Variants in ANKRD36C observed in about 807,000 individuals in gnomAD.
The protein encoded by ANKRD36C is ankyrin repeat domain-containing protein 36C.
Under a neutral mutation model 276.4 loss-of-function variants are expected in ANKRD36C, and 61 were observed. The ratio of observed to expected loss-of-function variants is 0.22; its 90% CI spans 0.18 to 0.27. ANKRD36C has a LOEUF of 0.27. ANKRD36C is among the 10% of genes least tolerant of loss of function. The probability of loss-of-function intolerance (pLI) is 1.00; values close to 1 mark genes in which losing one functional copy is unlikely to be tolerated. For synonymous variants in ANKRD36C, 483 were observed against 680.1 expected (o/e 0.71, Z 4.51); for missense variants, 1,447 against 2,032.3 (o/e 0.71, Z 5.54).
At chr2:95,975,053 G>T (rs1351390093) in intron 6 of ANKRD36C, among the ~76,000 whole-genome samples, 2 of 151,850 alleles carry the variant, frequency 1.3e-5, no homozygotes, top group South Asian at 2.1e-4. Flanking sequence ...CAGTCTATCA[G>T]TGTTGGACAT....
intron 42 of ANKRD36C, among the ~76,000 whole-genome samples, chr2:95,911,011 A>G (rs1446701283): frequency 6.6e-6 from 1 of 151,474 alleles, no homozygotes; most frequent in Admixed American, 6.6e-5. Flanking sequence ...AACTTGCCCA[A>G]TAACTGAGAA....
chr2:95,945,692 G>T (rs1323234433), intron 17 of ANKRD36C, among the ~76,000 whole-genome samples: 3 of 152,076 alleles, frequency 2.0e-5, no homozygotes, highest in Non-Finnish European at 2.9e-5. Context: ...TATAACCTCC[G>T]CTCCTTCCAA....
At chr2:95,874,645 A>T (rs1675900250) in intron 59 of ANKRD36C, among the ~76,000 whole-genome samples, 1 of 152,366 alleles carries the variant, frequency 6.6e-6, no homozygotes, top group Admixed American at 6.5e-5. Context: ...TAAAACACCA[A>T]CAGCAATGGC....
chr2:95,902,712 C>G (rs191869882), intron 42 of ANKRD36C, among the ~76,000 whole-genome samples, 174 bp downstream of exon 54: 1 of 150,384 alleles, frequency 6.6e-6, no homozygotes, highest in Non-Finnish European at 1.5e-5. Context: ...CTGCGAAGAT[C>G]ATGTTCCAGA....
At chr2:95,916,554 A>C (rs746835311) in intron 36 of ANKRD36C, among the ~76,000 whole-genome samples, 1 of 151,638 alleles carries the variant, frequency 6.6e-6, no homozygotes, top group Non-Finnish European at 1.5e-5. Context: ...TTCATGCAAG[A>C]AACCAAAGGA....
intron 61 of ANKRD36C, among the ~76,000 whole-genome samples, chr2:95,858,604 A>G (rs1057303981): frequency 6.6e-6 from 1 of 152,210 alleles, no homozygotes; most frequent in Non-Finnish European, 1.5e-5. Context: ...TACTTTTTAT[A>G]AACAAGTTGA....
At chr2:95,897,519 C>T in intron 44 of ANKRD36C, 54 bp from the exon 59 acceptor site, 4 of 1,514,350 alleles carry the variant, frequency 2.6e-6, no homozygotes, top group Non-Finnish European at 3.6e-6. Context: ...ACAAAATTAT[C>T]CACATATTCA....
chr2:95,870,261 C>T (rs922943396), intron 59 of ANKRD36C, among the ~76,000 whole-genome samples: 2 of 152,166 alleles, frequency 1.3e-5, no homozygotes, highest in African/African-American at 4.8e-5. Flanking sequence ...TGGGAGGCAC[C>T]CCCAGGTAGG....
intron 40 of ANKRD36C, 147 bp downstream of exon 42, chr2:95,913,961 C>T (rs1334728865): frequency 1.1e-6 from 1 of 877,948 alleles, no homozygotes; most frequent in East Asian, 2.7e-5. Context: ...GCATCAGCAT[C>T]ACCCAAGAAC....
In ANKRD36C at chr2:95,853,862, CTGA is replaced by C. The variant is rs1675349506; in HGVS notation, c.4996-4_4996-2del. On this transcript the variant is annotated splice_acceptor_variant and splice_polypyrimidine_tract_variant and intron_variant, in intron 63 of 66. Coordinates refer to ENST00000456556, the Ensembl canonical transcript of ANKRD36C. LOFTEE classifies it high-confidence loss of function. Reference sequence around the variant, plus strand: ...TTTGTTGAAGCTGTCTCACAGCTACCTGATAAGATGTTATTTTTGTTACTGATT... The same window carrying C: ...TTTGTTGAAGCTGTCTCACAGCTACCTAAGATGTTATTTTTGTTACTGATT... 6.2e-7 allele frequency: 1 copy of C among 1,606,316 alleles called. No homozygotes were observed. The highest frequency in any genetic ancestry group is 1.3e-5 in the African/African-American group (1 of 74,768).
intron 28 of ANKRD36C, among the ~76,000 whole-genome samples, chr2:95,926,125 C>G (rs1014854847): frequency 6.6e-6 from 1 of 151,572 alleles, no homozygotes; most frequent in African/African-American, 2.4e-5. Context: ...CTTTATTTCT[C>G]AAACCCATGT....
At chr2:95,988,060 AT>A (rs1679067800) in intron 1 of ANKRD36C, among the ~76,000 whole-genome samples, 6 of 151,624 alleles carry the variant, frequency 4.0e-5, no homozygotes, top group Admixed American at 3.9e-4. Context: ...CCAATCCGTG[AT>A]GCCTTACATT....
chr2:95,977,852 T>TA (rs1451386120), intron 6 of ANKRD36C, among the ~76,000 whole-genome samples: 1 of 152,078 alleles, frequency 6.6e-6, no homozygotes, highest in Non-Finnish European at 1.5e-5. Flanking sequence ...CATAATAACT[T>TA]AAAAATTTGT....
intron 36 of ANKRD36C, among the ~76,000 whole-genome samples, chr2:95,917,050 G>T (rs1677120046): frequency 1.3e-5 from 2 of 151,590 alleles, no homozygotes; most frequent in Non-Finnish European, 1.5e-5. Context: ...GTTCTCTAAA[G>T]AAGTTTGATG....
At chr2:95,922,935 T>C (rs1338432149) in intron 32 of ANKRD36C, among the ~76,000 whole-genome samples, 1 of 151,666 alleles carries the variant, frequency 6.6e-6, no homozygotes, top group Non-Finnish European at 1.5e-5. Context: ...TGTGTAAATA[T>C]GCTAAATGCA....
chr2:95,919,638 G>A lies in ANKRD36C; in HGVS notation c.2246-1596C>T. The A allele has an allele frequency of 1.4e-5, 9 of 623,570 alleles. 1 individual carries two copies. The highest frequency in any genetic ancestry group is 1.8e-5 in the Non-Finnish European group (9 of 506,938). 38.6% of individuals were successfully genotyped at this position (623,570 alleles called of 1,614,324 possible). A position where few individuals can be genotyped will look rare whatever the true frequency, so the allele number is the denominator to read the frequency against. On this transcript the variant is annotated intron_variant, in intron 34 of 66. Transcript: ENST00000456556. Reference sequence around the variant, plus strand: ...CTGAATCAGAATGTGCAGCTTCGGCGACTCCCCCCACCCACCCTCCGCTGA... The same window carrying A: ...CTGAATCAGAATGTGCAGCTTCGGCAACTCCCCCCACCCACCCTCCGCTGA...
intron 61 of ANKRD36C, among the ~76,000 whole-genome samples, chr2:95,859,129 G>A (rs1196907906): frequency 6.6e-6 from 1 of 151,898 alleles, no homozygotes; most frequent in East Asian, 1.9e-4. Context: ...TGCCTCCCAG[G>A]TTCATGCGAT....
At chr2:95,954,296 T>C (rs201347152) in intron 13 of ANKRD36C, among the ~76,000 whole-genome samples, 52 of 151,956 alleles carry the variant, frequency 3.4e-4, no homozygotes, top group Non-Finnish European at 4.3e-4. Context: ...TATAATGGCG[T>C]GGCCAGACAA....
At chr2:95,871,126 G>A (rs1316826862) in intron 59 of ANKRD36C, among the ~76,000 whole-genome samples, 1 of 152,146 alleles carries the variant, frequency 6.6e-6, no homozygotes, top group Admixed American at 6.5e-5. Context: ...CCCCAATCTA[G>A]CAAGGCAGGC....
Sources: allele counts gnomAD v4.1 joint callset (sites outside exome capture counted in the v4.1 genomes callset), GRCh38; gene constraint gnomAD v4.1.1; transcripts MANE v1.5; gene names NCBI Gene and HGNC (gene_info 2026-07-23, HGNC 2026-07-21).